Variants in INTS6L observed in about 807,000 individuals in gnomAD.
INTS6L encodes the protein integrator complex subunit 6 like.
INTS6L carries 18 observed loss-of-function variants against 64.7 expected under a neutral mutation model. That is an observed-to-expected ratio of 0.28 (90% CI 0.19 to 0.41). INTS6L has a LOEUF of 0.41. INTS6L is among the 10% of genes least tolerant of loss of function. The probability of loss-of-function intolerance (pLI) is 1.00; values close to 1 mark genes in which losing one functional copy is unlikely to be tolerated. For synonymous variants in INTS6L, 227 were observed against 235.9 expected, an observed-to-expected ratio of 0.96 and a Z score of 0.34; for missense variants, 533 against 661.0, an observed-to-expected ratio of 0.81 and a Z score of 2.12.
chrX:135,521,437 G>A, intron 2 of INTS6L, 119 bp downstream of exon 2: 1 of 753,854 alleles, frequency 1.3e-6, no homozygotes, highest in Non-Finnish European at 1.9e-6. Context: ...GGCGGCGAGG[G>A]GGTGCGCAGA....
Position 135,574,132 on chromosome X carries a change from T to C in INTS6L, c.1741+70T>C. ...CAGGCATGACTTACAGGAAGGTGTTTATTGCATAATGAGTAGGCTATTTTA... is the reference window on the plus strand; with the variant it reads ...CAGGCATGACTTACAGGAAGGTGTTCATTGCATAATGAGTAGGCTATTTTA... On this transcript the variant is annotated intron_variant, in intron 13 of 17. Transcript: ENST00000639893. The C allele has an allele frequency of 2.1e-5, 22 of 1,066,543 alleles. No homozygotes were observed. In the South Asian group the frequency reaches 5.1e-4, roughly 25 times the overall value. 87.9% of individuals were successfully genotyped at this position (1,066,543 alleles called of 1,213,427 possible).
chrX:135,569,608 G>A (rs1393124064), intron 10 of INTS6L, 177 bp downstream of exon 10: 2 of 280,515 alleles, frequency 7.1e-6, no homozygotes, highest in Non-Finnish European at 1.3e-5. Context: ...ATGTCATGGC[G>A]GCACAAAAGA....
intron 9 of INTS6L, among the ~76,000 whole-genome samples, chrX:135,557,889 T>C (rs1173693039): frequency 8.9e-6 from 1 of 112,071 alleles, no homozygotes; most frequent in Non-Finnish European, 1.9e-5. Flanking sequence ...GCAAATCATA[T>C]ATCTTATAAG....
In INTS6L at chrX:135,580,004, C is replaced by G. The variant is rs77047796; in HGVS notation, c.2336C>G (p.Ala779Gly). The G allele has an allele frequency of 4.7e-3, 5,723 of 1,210,179 alleles. 12 individuals carry two copies. The highest frequency in any genetic ancestry group is 5.9e-3 in the Non-Finnish European group (5,316 of 895,240). The change falls in exon 16 of 18, where the codon GCC becomes GGC. Residue 779 changes from alanine to glycine, a missense_variant. Physicochemically the swap from Ala to Gly is moderately conservative, Grantham distance 60. Transcript: ENST00000639893. ...KPGSNAFVGG[A>G]KNCSLSVDDQ... ...GGTAGTAACGCATTTGTAGGAGGAG[C>G]CAAAAACTGCAGTCTCTCCGTAGAT...
intron 2 of INTS6L, among the ~76,000 whole-genome samples, chrX:135,523,275 G>A (rs2085640372): frequency 9.2e-6 from 1 of 109,075 alleles, no homozygotes; most frequent in Admixed American, 9.7e-5. Flanking sequence ...GGTGGCGGGC[G>A]CCTGTAATCC....
intron 2 of INTS6L, among the ~76,000 whole-genome samples, chrX:135,540,628 G>A (rs782058334): frequency 9.0e-6 from 1 of 110,756 alleles, no homozygotes; most frequent in African/African-American, 3.3e-5. Flanking sequence ...TGTTTCACAT[G>A]TTTCTCATTT....
intron 2 of INTS6L, among the ~76,000 whole-genome samples, chrX:135,529,938 G>A (rs957488130): frequency 1.8e-5 from 2 of 111,455 alleles, no homozygotes; most frequent in African/African-American, 3.3e-5. Flanking sequence ...GGGAACCAGG[G>A]CCCAGAGAGG....
chrX:135,554,883 CTTTTTTTTTTT>C (rs35845600), intron 8 of INTS6L, among the ~76,000 whole-genome samples: 2 of 50,472 alleles, frequency 4.0e-5, no homozygotes, highest in Non-Finnish European at 6.3e-5. Context: ...ACCAGCATAA[CTTTTTTTTTTT>C]TTTTTTTTTT....
intron 10 of INTS6L, 149 bp from the exon 11 acceptor site, chrX:135,570,287 T>C: frequency 4.5e-6 from 2 of 448,481 alleles, no homozygotes; most frequent in South Asian, 1.4e-4. Flanking sequence ...GCTATTTTCA[T>C]TGCCACTTTT....
intron 9 of INTS6L, among the ~76,000 whole-genome samples, chrX:135,562,002 A>C (rs782701902): frequency 6.7e-4 from 74 of 109,907 alleles, no homozygotes; most frequent in Non-Finnish European, 1.2e-3. Context: ...TAATCTTATC[A>C]ATTTTTTTTT....
intron 2 of INTS6L, among the ~76,000 whole-genome samples, chrX:135,522,987 A>G (rs1308776104): frequency 8.9e-6 from 1 of 112,279 alleles, no homozygotes; most frequent in East Asian, 2.8e-4. Flanking sequence ...GCTAATACAG[A>G]TAAGAACCGA....
rs1337202259 is a variant in INTS6L at position 135,564,193 on chromosome X, T to C, written c.1193-5144T>C. Among the ~76,000 whole-genome samples the C allele has an allele frequency of 1.9e-4, 21 of 111,789 alleles. No individual in the cohort carries two copies. The Admixed American group carries it at 2.0e-3, about 11-fold the overall frequency. The stretch of plus-strand genomic sequence containing the variant: ...ATTATTTCCTCTGTCCCCTGCATTC[T>C]GTTGTTGAGCCTATCTACTGAGCTT... On this transcript the variant is annotated intron_variant, in intron 9 of 17. Coordinates refer to ENST00000639893, the MANE Select transcript of INTS6L (RefSeq NM_001351601.3).
At chrX:135,530,404 C>A (rs1033239309) in intron 2 of INTS6L, among the ~76,000 whole-genome samples, 6 of 111,375 alleles carry the variant, frequency 5.4e-5, no homozygotes, top group Non-Finnish European at 1.1e-4. Context: ...GCTGAGGAGG[C>A]CCTATAGGAA....
chrX:135,566,911 G>A (rs1216314034), intron 9 of INTS6L, among the ~76,000 whole-genome samples: 4 of 112,021 alleles, frequency 3.6e-5, no homozygotes, highest in African/African-American at 9.7e-5. Context: ...GTTATGATCA[G>A]GAGGAAGAAA....
At chrX:135,575,276 T>A (rs782623708) in intron 14 of INTS6L, 50 bp downstream of exon 14, 2 of 1,146,397 alleles carry the variant, frequency 1.7e-6, no homozygotes, top group African/African-American at 3.7e-5. Flanking sequence ...TCTTGCTATA[T>A]AATTATTTTC....
At chrX:135,559,595 A>G (rs1212425009) in intron 9 of INTS6L, among the ~76,000 whole-genome samples, 1 of 112,540 alleles carries the variant, frequency 8.9e-6, no homozygotes, top group Non-Finnish European at 1.9e-5. Context: ...GAATAAAGCT[A>G]CTGTAAACAT....
intron 6 of INTS6L, 150 bp downstream of exon 6, chrX:135,547,415 A>G: frequency 3.3e-6 from 2 of 599,132 alleles, no homozygotes; most frequent in Non-Finnish European, 5.0e-6. Flanking sequence ...TTCACTGCCT[A>G]TGTATATGTA....
chrX:135,571,946 A>T (rs2087101572), intron 11 of INTS6L: 1 of 112,048 alleles, frequency 8.9e-6, no homozygotes, highest in African/African-American at 3.2e-5. Context: ...GTGATAATAA[A>T]CATAGACTTA....
chrX:135,542,395 G>A (rs144864948), intron 2 of INTS6L, among the ~76,000 whole-genome samples: 9,219 of 109,877 alleles, frequency 0.084, 645 homozygotes, highest in African/African-American at 0.22. Context: ...CTACTCAGGA[G>A]GCTGAGGCAC....
Sources: gnomAD v4.1 joint callset for allele counts (sites outside exome capture counted in the v4.1 genomes callset) on GRCh38, gnomAD v4.1.1 for gene constraint, MANE v1.5 for transcripts, NCBI Gene and HGNC (gene_info 2026-07-23, HGNC 2026-07-21) for gene names.